The following STIP1 variants were observed in gnomAD, a reference collection of about 807,000 sequenced individuals.
The protein encoded by STIP1 is stress-induced-phosphoprotein 1.
STIP1 carries 16 observed loss-of-function variants against 77.4 expected under a neutral mutation model. That is an observed-to-expected ratio of 0.21 (90% CI 0.14 to 0.31). STIP1 has a LOEUF of 0.31. Among genes scored for constraint, STIP1 ranks in the 10% least tolerant of loss-of-function variants. STIP1 has a pLI of 1.00. For synonymous variants in STIP1, 258 were observed against 246.6 expected (o/e 1.05, Z -0.44); for missense variants, 524 against 684.8 (o/e 0.77, Z 2.62).
intron 1 of STIP1, chr11:64,186,572 G>A (rs552828177): frequency 3.5e-4 from 75 of 212,482 alleles, no homozygotes; most frequent in African/African-American, 1.7e-3. Context: ...CCCTGAAGGC[G>A]TCCCGAGGGG....
chr11:64,201,585 A>G (rs1321261311), intron 10 of STIP1, among the ~76,000 whole-genome samples: 2 of 152,286 alleles, frequency 1.3e-5, no homozygotes, highest in South Asian at 2.1e-4. Context: ...GGAAGGTGAC[A>G]AAGTGTGACC....
rs549298669 is a variant in STIP1, at chr11:64,188,151, A to G, written c.9+1881A>G. On this transcript the variant is annotated intron_variant, in intron 1 of 13. Transcript: ENST00000305218. ...CACCTGAGGTCAGGAGTTCTACACC[A>G]GCCTGGCCAACATGGTGAAACCCCC... 2.6e-5 allele frequency among the ~76,000 whole-genome samples: 4 copies of G among 152,094 alleles called. No homozygotes were observed. The South Asian group carries it at 6.2e-4, about 24-fold the overall frequency.
At chr11:64,203,691 C>G in intron 13 of STIP1, 69 bp downstream of exon 13, 1 of 1,593,068 alleles carries the variant, frequency 6.3e-7, no homozygotes, top group Admixed American at 1.7e-5. Flanking sequence ...GTGCACGCGG[C>G]TGGGGGGTGG....
Position 64,194,337 on chromosome 11 carries a change from A to G in STIP1, c.361+7A>G. On this transcript the variant is annotated splice_region_variant and intron_variant, in intron 3 of 13. Coordinates refer to ENST00000305218, the MANE Select transcript of STIP1 (RefSeq NM_006819.3). ...ATGGAGGCCAGGTTGGCAGGTAGGT[A>G]CCACGCACAGTTTTCTTTCTTATTA... 1 of 1,612,454 alleles carries G rather than the reference A, an allele frequency of 6.2e-7. No homozygotes were observed. Among genetic ancestry groups the G allele is most frequent in the South Asian group, 1.1e-5 (1 of 90,596 alleles).
At chr11:64,197,763 T>TG in intron 7 of STIP1, 91 bp from the exon 8 acceptor site, 1 of 1,572,078 alleles carries the variant, frequency 6.4e-7, no homozygotes, top group Non-Finnish European at 8.7e-7. Flanking sequence ...AAGGCAGTGA[T>TG]GCGGGCCTTT....
chr11:64,185,914 C>T (rs545010478), upstream of STIP1: 2 of 1,536,150 alleles, frequency 1.3e-6, no homozygotes, highest in African/African-American at 1.4e-5. Flanking sequence ...ATTGGCAGTG[C>T]AAAAGACCAA....
At chr11:64,193,011 T>C in intron 1 of STIP1, 67 bp from the exon 2 acceptor site, 1 of 1,443,762 alleles carries the variant, frequency 6.9e-7, no homozygotes, top group South Asian at 1.2e-5. Flanking sequence ...AAAGAATGAG[T>C]GTTGTCTTTA....
At chr11:64,200,413 C>A in intron 10 of STIP1, 120 bp downstream of exon 10, 3 of 1,442,422 alleles carry the variant, frequency 2.1e-6, no homozygotes, top group Non-Finnish European at 2.8e-6. Context: ...CAGTGTCTCA[C>A]TCTGTCCTGC....
intron 8 of STIP1, among the ~76,000 whole-genome samples, chr11:64,199,265 G>A (rs1946187221): frequency 6.6e-6 from 1 of 151,008 alleles, no homozygotes; most frequent in Non-Finnish European, 1.5e-5. Flanking sequence ...AGCACTTTGG[G>A]AGGCCGAGGT....
In STIP1 at chr11:64,197,980, T is replaced by C; in HGVS notation, c.1023+6T>C. On this transcript the variant is annotated splice_donor_region_variant and intron_variant, in intron 8 of 13. Transcript: ENST00000305218. ...TGCTCAAGAAATGCCAGCAGGTGCG[T>C]AGGAAAAGAATAGGGGTATTTTCTT... is the stretch of plus-strand genomic sequence containing the variant. 6.2e-7 allele frequency: 1 copy of C among 1,610,590 alleles called. No homozygotes were observed. Among genetic ancestry groups the C allele is most frequent in the Non-Finnish European group, 8.5e-7 (1 of 1,178,894 alleles).
At chr11:64,204,012 T>A in intron 13 of STIP1, 42 bp from the exon 14 acceptor site, 1 of 1,601,864 alleles carries the variant, frequency 6.2e-7, no homozygotes, top group Non-Finnish European at 8.6e-7. Context: ...AGTAAGACTT[T>A]AAAGGTTGTC....
upstream of STIP1, chr11:64,186,129 C>T: frequency 1.3e-6 from 2 of 1,550,792 alleles, no homozygotes; most frequent in Non-Finnish European, 1.7e-6. Context: ...AAGAACTCGA[C>T]CAGTGAGCAG....
chr11:64,197,669 G>T, intron 7 of STIP1, 74 bp downstream of exon 7: 1 of 1,582,364 alleles, frequency 6.3e-7, no homozygotes, highest in Non-Finnish European at 8.7e-7. Context: ...TCTCTGCATG[G>T]GGAGGAGGGC....
At chr11:64,186,474 A>G in intron 1 of STIP1, 2 of 485,364 alleles carry the variant, frequency 4.1e-6, no homozygotes, top group South Asian at 8.9e-5. Flanking sequence ...GGGAGCGCCC[A>G]TCGCCCCCTG....
chr11:64,191,346 G>T (rs530080476), intron 1 of STIP1, among the ~76,000 whole-genome samples: 17 of 151,506 alleles, frequency 1.1e-4, no homozygotes, highest in South Asian at 2.1e-4. Context: ...GGTGGCTCAC[G>T]CCTGTAATCC....
At chr11:64,187,784 G>A (rs1363805734) in intron 1 of STIP1, among the ~76,000 whole-genome samples, 1 of 150,768 alleles carries the variant, frequency 6.6e-6, no homozygotes, top group Non-Finnish European at 1.5e-5. Flanking sequence ...GGCGGATCAC[G>A]AGGTCAGGAG....
upstream of STIP1, chr11:64,185,965 C>G: frequency 6.5e-7 from 1 of 1,538,660 alleles, no homozygotes; most frequent in South Asian, 1.2e-5. Context: ...ATTCGTGGAG[C>G]CTGAGATGGG....
At chr11:64,203,044 G>C in intron 11 of STIP1, 81 bp from the exon 12 acceptor site, 1 of 1,592,242 alleles carries the variant, frequency 6.3e-7, no homozygotes, top group Non-Finnish European at 8.6e-7. Flanking sequence ...GGTGTGAACA[G>C]TGTTGGTGTG....
At chr11:64,190,042 C>T (rs2134784100) in intron 1 of STIP1, among the ~76,000 whole-genome samples, 1 of 151,544 alleles carries the variant, frequency 6.6e-6, no homozygotes, top group South Asian at 2.1e-4. Flanking sequence ...ACTCTGTCCT[C>T]CAGGTGAGAA....
Sources: allele counts gnomAD v4.1 joint callset (sites outside exome capture counted in the v4.1 genomes callset), GRCh38; gene constraint gnomAD v4.1.1; transcripts MANE v1.5; gene names NCBI Gene and HGNC (gene_info 2026-07-23, HGNC 2026-07-21).